CACNA2D3: variants seen among roughly 807,000 people sequenced by gnomAD.
CACNA2D3 encodes the protein calcium voltage-gated channel auxiliary subunit alpha2delta 3.
Under a neutral mutation model 160.6 loss-of-function variants are expected in CACNA2D3, and 60 were observed. That is an observed-to-expected ratio of 0.37 (90% CI 0.30 to 0.46). The LOEUF is 0.46. Ranked by LOEUF, CACNA2D3 falls within the 20% of genes least tolerant of loss-of-function variation. The pLI is 1.00. For missense variants in CACNA2D3, 1,205 were observed against 1,365.0 expected (o/e 0.88, Z 1.85); for synonymous variants, 558 against 492.9 (o/e 1.13, Z -1.75).
intron 17 of CACNA2D3, among the ~76,000 whole-genome samples, chr3:54,864,902 G>C (rs565559088): frequency 6.6e-6 from 1 of 152,134 alleles, no homozygotes; most frequent in Admixed American, 6.6e-5. Flanking sequence ...TGCCTTTCCT[G>C]GGTGCTGCGT....
intron 9 of CACNA2D3, among the ~76,000 whole-genome samples, chr3:54,605,887 G>A (rs138529386): frequency 1.7e-3 from 258 of 152,294 alleles, no homozygotes; most frequent in African/African-American, 5.7e-3. Flanking sequence ...TGAATTTGAT[G>A]ATATTTGCTC....
chr3:54,225,954 G>A (rs139322350), intron 2 of CACNA2D3, among the ~76,000 whole-genome samples: 152 of 152,192 alleles, frequency 1.0e-3, no homozygotes, highest in Admixed American at 2.5e-3. Flanking sequence ...CACCTTCACC[G>A]GATTGGGGAC....
At chr3:54,803,336 T>G (rs1350671376) in intron 13 of CACNA2D3, among the ~76,000 whole-genome samples, 2 of 152,032 alleles carry the variant, frequency 1.3e-5, no homozygotes, top group Non-Finnish European at 2.9e-5. Flanking sequence ...AATGTATAAG[T>G]AGAATAACCA....
chr3:54,911,579 T>C (rs1228390923), intron 27 of CACNA2D3, among the ~76,000 whole-genome samples: 1 of 151,966 alleles, frequency 6.6e-6, no homozygotes, highest in Non-Finnish European at 1.5e-5. Context: ...GTTATTTCTT[T>C]CAGTTATGTA....
At chr3:54,289,958 G>C (rs1434458092) in intron 2 of CACNA2D3, among the ~76,000 whole-genome samples, 3 of 150,806 alleles carry the variant, frequency 2.0e-5, no homozygotes, top group East Asian at 3.9e-4. Flanking sequence ...AAAAACCCTA[G>C]AAGAAAACGT....
intron 3 of CACNA2D3, among the ~76,000 whole-genome samples, chr3:54,345,760 C>A (rs78666811): frequency 0.045 from 6,801 of 152,184 alleles, 209 homozygotes; most frequent in Middle Eastern, 0.068. Context: ...TGGCCTCTAC[C>A]TTTGCTGTGG....
intron 29 of CACNA2D3, among the ~76,000 whole-genome samples, chr3:54,980,672 T>G (rs542378403): frequency 6.6e-6 from 1 of 152,328 alleles, no homozygotes; most frequent in South Asian, 2.1e-4. Context: ...TCTGACTGTT[T>G]CCAGCATAAC....
At chr3:54,872,735 T>G (rs1347997007) in intron 18 of CACNA2D3, among the ~76,000 whole-genome samples, 1 of 152,214 alleles carries the variant, frequency 6.6e-6, no homozygotes, top group Admixed American at 6.5e-5. Flanking sequence ...TCTTTTCTTC[T>G]TCATCTGCTC....
chr3:54,623,764 T>G (rs934548052), intron 9 of CACNA2D3, among the ~76,000 whole-genome samples: 3 of 152,202 alleles, frequency 2.0e-5, no homozygotes, highest in Non-Finnish European at 4.4e-5. Context: ...AATGAGCACT[T>G]GAAATGAGGT....
At chr3:55,051,585 G>C (rs1183126464) in intron 35 of CACNA2D3, among the ~76,000 whole-genome samples, 1 of 151,970 alleles carries the variant, frequency 6.6e-6, no homozygotes, top group African/African-American at 2.4e-5. Flanking sequence ...CTCCAGAGGT[G>C]GAGGCTACAG....
At chr3:54,917,487 C>T (rs1700690972) in intron 27 of CACNA2D3, among the ~76,000 whole-genome samples, 1 of 152,248 alleles carries the variant, frequency 6.6e-6, no homozygotes, top group African/African-American at 2.4e-5. Flanking sequence ...CTGGCTTCCA[C>T]CCTGACACGG....
chr3:54,129,127 A>G lies in CACNA2D3; in HGVS notation c.204+5533A>G, dbSNP rs149190702. On this transcript the variant is annotated intron_variant, in intron 2 of 37. Transcript: ENST00000474759. ...GATTTTCCTAAATATTTAGTGACCAACAGACTCTGTCTGAAGTGGTTGTTC... is the reference window on the plus strand; with the variant it reads ...GATTTTCCTAAATATTTAGTGACCAGCAGACTCTGTCTGAAGTGGTTGTTC... Among the ~76,000 whole-genome samples the G allele has an allele frequency of 4.5e-3, 680 of 151,924 alleles. 2 individuals carry two copies. Among genetic ancestry groups the G allele is most frequent in the Non-Finnish European group, 6.8e-3 (465 of 67,966 alleles).
intron 2 of CACNA2D3, among the ~76,000 whole-genome samples, chr3:54,204,878 T>TA (rs1701246822): frequency 1.3e-5 from 2 of 149,336 alleles, no homozygotes; most frequent in African/African-American, 4.9e-5. Context: ...TGGAAAAACT[T>TA]ACCATCTCCT....
chr3:54,366,505 A>G (rs567321076), intron 3 of CACNA2D3, among the ~76,000 whole-genome samples: 10 of 152,352 alleles, frequency 6.6e-5, no homozygotes, highest in African/African-American at 2.2e-4. Flanking sequence ...TCTGATCAGA[A>G]AATGTTTAAA....
intron 35 of CACNA2D3, among the ~76,000 whole-genome samples, chr3:55,028,621 A>G (rs981271316): frequency 1.3e-5 from 2 of 152,228 alleles, no homozygotes; most frequent in East Asian, 1.9e-4. Flanking sequence ...CTTAGAATCA[A>G]TTGCAAAATA....
At chr3:55,020,906 C>G (rs1005996732) in intron 35 of CACNA2D3, among the ~76,000 whole-genome samples, 1 of 151,908 alleles carries the variant, frequency 6.6e-6, no homozygotes, top group Non-Finnish European at 1.5e-5. Flanking sequence ...TTTACTTACA[C>G]CATGAACTTT....
intron 5 of CACNA2D3, among the ~76,000 whole-genome samples, chr3:54,560,524 G>T (rs1559512855): frequency 6.6e-6 from 1 of 152,180 alleles, no homozygotes; most frequent in African/African-American, 2.4e-5. Context: ...CTCCTATTCT[G>T]TAGGTTGTCT....
At chr3:54,600,592 C>T (rs1399693625) in intron 9 of CACNA2D3, among the ~76,000 whole-genome samples, 1 of 152,140 alleles carries the variant, frequency 6.6e-6, no homozygotes, top group African/African-American at 2.4e-5. Context: ...TTACTGGCTT[C>T]TCCTCAAGGA....
intron 3 of CACNA2D3, among the ~76,000 whole-genome samples, chr3:54,367,847 G>A (rs918882566): frequency 7.2e-5 from 11 of 152,088 alleles, no homozygotes; most frequent in South Asian, 2.1e-4. Context: ...ACCAAGAAAC[G>A]TTTTCTGCCA....
Sources: gnomAD v4.1 joint callset for allele counts (sites outside exome capture counted in the v4.1 genomes callset) on GRCh38, gnomAD v4.1.1 for gene constraint, MANE v1.5 for transcripts, NCBI Gene and HGNC (gene_info 2026-07-23, HGNC 2026-07-21) for gene names.